Variants in YTHDF3 observed in about 807,000 individuals in gnomAD.
YTHDF3 encodes the protein YTH domain-containing family protein 3.
In YTHDF3, 9 loss-of-function variants were observed where a neutral mutation model predicts 52.5. The observed-to-expected ratio is 0.17, with a 90% CI of 0.10 to 0.30. The LOEUF (loss-of-function observed/expected upper bound fraction) is 0.30. YTHDF3 is among the 10% of genes least tolerant of loss of function. The probability of loss-of-function intolerance (pLI) is 1.00; values close to 1 mark genes in which losing one functional copy is unlikely to be tolerated. For synonymous variants in YTHDF3, 274 were observed against 243.3 expected (o/e 1.13, Z -1.18); for missense variants, 534 against 715.0 (o/e 0.75, Z 2.89).
At chr8:63,195,723 T>C (rs1809186862) in intron 4 of YTHDF3, among the ~76,000 whole-genome samples, 1 of 133,314 alleles carries the variant, frequency 7.5e-6, no homozygotes, top group Non-Finnish European at 1.6e-5. Flanking sequence ...AGTGAGACCA[T>C]GTATTTACGT....
At chr8:63,187,794 G>C in intron 4 of YTHDF3, 49 bp downstream of exon 4, 1 of 1,508,734 alleles carries the variant, frequency 6.6e-7, no homozygotes, top group Admixed American at 2.3e-5. Flanking sequence ...TGCTGGTGGG[G>C]TGCATGGATG....
chr8:63,188,290 C>G (rs538419753), intron 4 of YTHDF3, among the ~76,000 whole-genome samples: 68 of 151,920 alleles, frequency 4.5e-4, no homozygotes, highest in African/African-American at 1.6e-3. Context: ...TACCACTGAA[C>G]CTGGCACTTA....
Position 63,168,735 on chromosome 8 carries a change from C to T in YTHDF3, c.-143C>T. The T allele has an allele frequency of 1.3e-6, 2 of 1,511,040 alleles. No homozygotes were observed. Among genetic ancestry groups the T allele is most frequent in the Non-Finnish European group, 1.8e-6 (2 of 1,117,244 alleles). 93.6% of individuals were successfully genotyped at this position (1,511,040 alleles called of 1,614,324 possible). A position where few individuals can be genotyped will look rare whatever the true frequency, so the allele number is the denominator to read the frequency against. ...TTCCTCCGACTCCCGAGCGCGAGGC[C>T]CTCATTTTGGGTTCTCAGCGAACGG... On this transcript the variant is annotated 5_prime_UTR_variant, in exon 1 of 5. Coordinates refer to ENST00000539294, the MANE Select transcript of YTHDF3 (RefSeq NM_152758.6).
chr8:63,187,228 C>T lies in YTHDF3; in HGVS notation c.1217C>T (p.Pro406Leu). 6.2e-7 allele frequency: 1 copy of T among 1,613,986 alleles called. No individual in the cohort carries two copies. The highest frequency in any genetic ancestry group is 8.5e-7 in the Non-Finnish European group (1 of 1,179,896). ...EKLKAINNYNPKDFDWNLKNG... is the reference protein window; with the variant it reads ...EKLKAINNYNLKDFDWNLKNG... The stretch of plus-strand genomic sequence containing the variant: ...CTAAAGGCCATAAACAACTATAATC[C>T]CAAAGACTTTGATTGGAATCTGAAG... The change falls in exon 4 of 5, where the codon CCC becomes CTC. Residue 406 changes from proline to leucine, a missense_variant. By Grantham distance (98) the Pro-to-Leu change is moderately conservative. This residue lies in a region of YTHDF3 where 203 missense variants were observed against 201.3 expected (regional missense o/e 1.01). Coordinates refer to ENST00000539294, the MANE Select transcript of YTHDF3 (RefSeq NM_152758.6).
chr8:63,204,521 C>T (rs746338214), intron 4 of YTHDF3, among the ~76,000 whole-genome samples: 6 of 152,014 alleles, frequency 3.9e-5, no homozygotes, highest in African/African-American at 7.2e-5. Flanking sequence ...GCCGCCACAC[C>T]GAGCTAATTT....
At chr8:63,188,954 G>C (rs1215975807) in intron 4 of YTHDF3, 4 of 151,422 alleles carry the variant, frequency 2.6e-5, no homozygotes, top group African/African-American at 9.7e-5. Context: ...CTCGTGATCC[G>C]TGCGCCTCGG....
At chr8:63,184,861 A>G (rs1291249945) in intron 3 of YTHDF3, among the ~76,000 whole-genome samples, 2 of 152,174 alleles carry the variant, frequency 1.3e-5, no homozygotes, top group Non-Finnish European at 2.9e-5. Flanking sequence ...TTAAAATCAC[A>G]CCTAAATCAC....
At chr8:63,168,983 T>TCGC (rs1291204170) in intron 1 of YTHDF3, 82 bp downstream of exon 1, 1 of 1,467,352 alleles carries the variant, frequency 6.8e-7, no homozygotes, top group East Asian at 2.9e-5. Flanking sequence ...CTCCTCCCCG[T>TCGC]CGCCGCCGCT....
rs1470511371 is a variant in YTHDF3 at position 63,210,017 on chromosome 8, T to A, written c.*311T>A. On this transcript the variant is annotated 3_prime_UTR_variant, in exon 5 of 5. Coordinates refer to ENST00000539294, the MANE Select transcript of YTHDF3 (RefSeq NM_152758.6). ...AAGACTGAATGAATGCAAGGATTCA[T>A]TAACTCTTTGAATTTGTTAAATACT... 5 of 262,518 alleles carry A rather than the reference T, an allele frequency of 1.9e-5. No individual in the cohort carries two copies. The East Asian group carries it at 3.7e-4, about 19-fold the overall frequency. The allele number at this position is 262,518 out of a possible 1,614,324, so 16.3% of individuals were successfully genotyped here.
chr8:63,186,261 A>G lies in YTHDF3; in HGVS notation c.250A>G (p.Met84Val), dbSNP rs748138153. 1.5e-5 allele frequency: 24 copies of G among 1,613,916 alleles called. No homozygotes were observed. The Admixed American group carries it at 1.8e-4, about 12-fold the overall frequency. ...AAWSTAGDQP[M>V]PYLTTYGQMS... ...GTGGTCCACAGCTGGAGACCAGCCT[A>G]TGCCATATCTGACAACCTATGGACA... The change falls in exon 4 of 5, where the codon ATG (methionine) becomes GTG (valine). Residue 84 changes from methionine (M) to valine (V), a missense_variant. Coordinates refer to ENST00000539294, the MANE Select transcript of YTHDF3 (RefSeq NM_152758.6).
chr8:63,184,051 A>C (rs947480943), intron 3 of YTHDF3, among the ~76,000 whole-genome samples: 1 of 152,258 alleles, frequency 6.6e-6, no homozygotes, highest in African/African-American at 2.4e-5. Flanking sequence ...AACTGTGTAC[A>C]TGTTCAATAC....
intron 4 of YTHDF3, 36 bp from the exon 5 acceptor site, chr8:63,209,647 A>C (rs1810259300): frequency 2.6e-6 from 4 of 1,535,414 alleles, no homozygotes; most frequent in Non-Finnish European, 3.5e-6. Context: ...TTTTCATTGT[A>C]ATTCTTTTTG....
At chr8:63,169,043 C>T (rs554537964) in intron 1 of YTHDF3, 142 bp downstream of exon 1, 1 of 1,436,698 alleles carries the variant, frequency 7.0e-7, no homozygotes, top group East Asian at 2.8e-5. Flanking sequence ...GTGTAGCTAC[C>T]CGGGCCGGGG....
Position 63,186,347 on chromosome 8 carries a change from A to G in YTHDF3, c.336A>G (p.Leu112=). ...GTGTATTTAGTCAACCTGGGGCATTAGGAAATACCCCTCCATTTCTTGGTC... is the reference window on the plus strand; with the variant it reads ...GTGTATTTAGTCAACCTGGGGCATTGGGAAATACCCCTCCATTTCTTGGTC... ...PDGVFSQPGA[L]GNTPPFLGQH... Residue 112 remains leucine (L), a synonymous_variant, in exon 4 of 5, where the codon TTA becomes TTG. Transcript: ENST00000539294. The G allele has an allele frequency of 6.2e-7, 1 of 1,614,024 alleles. No homozygotes were observed. Among genetic ancestry groups the G allele is most frequent in the South Asian group, 1.1e-5 (1 of 91,092 alleles).
intron 4 of YTHDF3, among the ~76,000 whole-genome samples, chr8:63,195,210 T>C (rs1452363447): frequency 6.6e-6 from 1 of 152,216 alleles, no homozygotes; most frequent in Non-Finnish European, 1.5e-5. Context: ...ATTTGTATTA[T>C]ATTTGAAAAC....
chr8:63,169,120 C>T, intron 1 of YTHDF3: 1 of 1,397,490 alleles, frequency 7.2e-7, no homozygotes, highest in African/African-American at 1.5e-5. Flanking sequence ...GGGCAAGGAC[C>T]GGTCTTAGGG....
At chr8:63,169,531 A>G (rs1807141904) in intron 2 of YTHDF3, 120 bp downstream of exon 2, 2 of 1,124,244 alleles carry the variant, frequency 1.8e-6, no homozygotes, top group South Asian at 2.9e-5. Context: ...GATTAGGGAA[A>G]ATATTCATCA....
intron 3 of YTHDF3, among the ~76,000 whole-genome samples, chr8:63,182,402 A>G (rs1808202681): frequency 1.3e-5 from 2 of 151,956 alleles, no homozygotes; most frequent in Non-Finnish European, 2.9e-5. Flanking sequence ...GAGTTGCTAA[A>G]AGAAAAAAAC....
Position 63,168,868 on chromosome 8 carries a change from G to A in YTHDF3, c.-10G>A, listed in dbSNP as rs1807070378. ...CGGCGGCGGCGGCGGCTCTCGGGTT[G>A]CGGTGAAGAATGTCAGCCACTAGCG... On this transcript the variant is annotated 5_prime_UTR_variant, in exon 1 of 5. Coordinates refer to ENST00000539294, the MANE Select transcript of YTHDF3 (RefSeq NM_152758.6). 7 of 1,554,770 alleles carry A rather than the reference G, an allele frequency of 4.5e-6. No homozygotes were observed. Among genetic ancestry groups the A allele is most frequent in the Non-Finnish European group, 6.1e-6 (7 of 1,149,466 alleles).
Sources: gnomAD v4.1 joint callset for allele counts (sites outside exome capture counted in the v4.1 genomes callset) on GRCh38, gnomAD v4.1.1 for gene constraint, gnomAD v4.1.1 regional missense constraint, MANE v1.5 for transcripts, NCBI Gene and HGNC (gene_info 2026-07-23, HGNC 2026-07-21) for gene names.